TCF20: variants seen among roughly 807,000 people sequenced by gnomAD.
The protein encoded by TCF20 is SPRE-binding protein.
Under a neutral mutation model 148.6 loss-of-function variants are expected in TCF20, and 3 were observed. That is an observed-to-expected ratio of 0.02 (90% CI 0.01 to 0.05). TCF20 has a LOEUF of 0.05. TCF20 is among the 10% of genes least tolerant of loss of function. The probability of loss-of-function intolerance (pLI) is 1.00; values close to 1 mark genes in which losing one functional copy is unlikely to be tolerated. For missense variants in TCF20, 2,350 were observed against 2,429.3 expected, an observed-to-expected ratio of 0.97 and a Z score of 0.69; for synonymous variants, 1,049 against 909.5, an observed-to-expected ratio of 1.15 and a Z score of -2.76.
chr22:42,210,052 G>A lies in TCF20; in HGVS notation c.5254C>T (p.Arg1752Trp), dbSNP rs750181503. 9 of 1,613,092 alleles carry A rather than the reference G, an allele frequency of 5.6e-6. No individual in the cohort carries two copies. The highest frequency in any genetic ancestry group is 7.6e-6 in the Non-Finnish European group (9 of 1,180,016). The change falls in exon 2 of 6, where the codon CGG (arginine) becomes TGG (tryptophan). Residue 1752 changes from arginine (R) to tryptophan (W), a missense_variant. Arg to Trp is a moderately radical substitution (Grantham distance 101). Around this residue, in one of 7 missense-constraint regions of TCF20, gnomAD observed 374 missense variants for 398.3 expected, o/e 0.94. Transcript: ENST00000677622. This position sits in a 1 kb window ranked among gnomAD's most constrained non-coding sequence, Gnocchi z 4.7. ...GAGCCATTAGAAGCACTTTTGTGCC[G>A]TACCTTAACTTTGCTCTGCATTTCT... ...ATEMQSKVKV[R>W]HKSASNGSKT...
chr22:42,174,699 T>C (rs959991424), intron 3 of TCF20, among the ~76,000 whole-genome samples: 2 of 151,984 alleles, frequency 1.3e-5, no homozygotes, highest in Non-Finnish European at 2.9e-5. Context: ...GGCAACACAG[T>C]GAGACCCTGT....
intron 2 of TCF20, among the ~76,000 whole-genome samples, chr22:42,191,610 T>TTA (rs1937339357): frequency 6.6e-6 from 1 of 152,130 alleles, no homozygotes; most frequent in African/African-American, 2.4e-5. Flanking sequence ...TTATCTACAG[T>TTA]TATATATACT....
chr22:42,311,173 C>G (rs1038525750), intron 1 of TCF20, among the ~76,000 whole-genome samples: 1 of 152,240 alleles, frequency 6.6e-6, no homozygotes. Flanking sequence ...AGGACCTGCA[C>G]GCCAGCCCTC....
At chr22:42,202,459 C>T (rs1430688568) in intron 2 of TCF20, among the ~76,000 whole-genome samples, 1 of 152,182 alleles carries the variant, frequency 6.6e-6, no homozygotes, top group Non-Finnish European at 1.5e-5. Flanking sequence ...CTAGTGACCT[C>T]GCAAGGAAAC....
intron 3 of TCF20, 84 bp from the exon 4 acceptor site, chr22:42,169,980 G>C: frequency 1.4e-6 from 2 of 1,412,620 alleles, no homozygotes; most frequent in Non-Finnish European, 9.9e-7. Context: ...GACAGGGTCA[G>C]ACATAAAGGT....
At position 42,160,025 on chromosome 22, in the gene TCF20, G is replaced by T. The variant is rs1373788825; in HGVS notation, c.*1378C>A. On this transcript the variant is annotated 3_prime_UTR_variant, in exon 6 of 6. Coordinates refer to ENST00000677622, the MANE Select transcript of TCF20 (RefSeq NM_001378418.1). ...ACAGAAGAGGAAACAAGGTTAAAAT[G>T]AAGTTTATTATTTTTTTGATTTTTT... 1 of 152,570 alleles carries T rather than the reference G, an allele frequency of 6.6e-6. No individual in the cohort carries two copies. The highest frequency in any genetic ancestry group is 1.5e-5 in the Non-Finnish European group (1 of 68,022). 9.5% of individuals were successfully genotyped at this position (152,570 alleles called of 1,614,324 possible).
intron 1 of TCF20, among the ~76,000 whole-genome samples, chr22:42,322,866 C>T (rs955404982): frequency 6.6e-6 from 1 of 151,114 alleles, no homozygotes; most frequent in Admixed American, 6.6e-5. Context: ...AGATCTGGAT[C>T]ACTCACCTGG....
rs1927153613 is a variant in TCF20, at chr22:42,292,687, A to G, written c.-37+50792T>C. 6.6e-6 allele frequency among the ~76,000 whole-genome samples: 1 copy of G among 152,038 alleles called. No homozygotes were observed. ...AGGAGGCCTGTTTGAGCTGCAAAGC[A>G]GCACACACCTGGGACACAGGACCCC... On this transcript the variant is annotated intron_variant, in intron 1 of 1. Coordinates refer to the TCF20 transcript ENST00000515426. This position sits in a 1 kb window ranked among gnomAD's most constrained non-coding sequence, Gnocchi z 4.9.
At chr22:42,252,750 C>G (rs1008250946) in intron 1 of TCF20, among the ~76,000 whole-genome samples, 9 of 152,084 alleles carry the variant, frequency 5.9e-5, no homozygotes, top group African/African-American at 2.2e-4. Context: ...CGGTGCCCAG[C>G]CTTTAAAAGC....
chr22:42,219,521 T>C (rs1601612864), intron 1 of TCF20, among the ~76,000 whole-genome samples: 1 of 152,014 alleles, frequency 6.6e-6, no homozygotes, highest in Non-Finnish European at 1.5e-5. Context: ...GAAAATCTGA[T>C]ACCTCAAAGG....
At chr22:42,240,892 C>G (rs767497122) in intron 1 of TCF20, among the ~76,000 whole-genome samples, 2 of 151,720 alleles carry the variant, frequency 1.3e-5, no homozygotes, top group Non-Finnish European at 2.9e-5. Context: ...CTTGCTCTGT[C>G]CCCCCCAGGC....
intron 2 of TCF20, among the ~76,000 whole-genome samples, chr22:42,185,604 G>A (rs192107517): frequency 9.9e-5 from 15 of 152,198 alleles, no homozygotes; most frequent in African/African-American, 3.6e-4. Flanking sequence ...TGCCAACTAC[G>A]TGGCAGCTAG....
intron 2 of TCF20, among the ~76,000 whole-genome samples, chr22:42,196,132 A>C (rs1937591565): frequency 6.6e-6 from 1 of 152,236 alleles, no homozygotes. Flanking sequence ...CTGAGTCAGT[A>C]AGGTCTCAGA....
At chr22:42,320,921 A>G (rs1456486593) in intron 1 of TCF20, among the ~76,000 whole-genome samples, 1 of 152,166 alleles carries the variant, frequency 6.6e-6, no homozygotes, top group Non-Finnish European at 1.5e-5. Context: ...AGGCACACTC[A>G]CAGCTGTGTT....
intron 2 of TCF20, among the ~76,000 whole-genome samples, chr22:42,186,665 C>T (rs1022033396): frequency 2.6e-5 from 4 of 152,208 alleles, no homozygotes; most frequent in Non-Finnish European, 5.9e-5. Context: ...GTTTCATCTC[C>T]GACGGTGTGG....
intron 1 of TCF20, among the ~76,000 whole-genome samples, chr22:42,227,062 C>T (rs1157434227): frequency 6.6e-6 from 1 of 152,182 alleles, no homozygotes; most frequent in African/African-American, 2.4e-5. Flanking sequence ...GCAGGCAGAA[C>T]ACACGAGGCC....
At chr22:42,230,800 T>C (rs1048552696) in intron 1 of TCF20, among the ~76,000 whole-genome samples, 2 of 151,788 alleles carry the variant, frequency 1.3e-5, no homozygotes, top group Non-Finnish European at 2.9e-5. Flanking sequence ...TTTAGGCTAA[T>C]GCATGTGTTT....
At chr22:42,202,279 G>C (rs575149212) in intron 2 of TCF20, among the ~76,000 whole-genome samples, 1 of 152,324 alleles carries the variant, frequency 6.6e-6, no homozygotes, top group Non-Finnish European at 1.5e-5. Context: ...TCTGCAGCTT[G>C]CATTTCCTCT....
rs969211797 is a variant in TCF20, at chr22:42,279,585, C to A, written c.-37+4242G>T. ...CCGTAGAACAGGGACATTAACATCA[C>A]CCCCGAGTGAGGGCTGCAGGCACAC... is the stretch of plus-strand genomic sequence containing the variant. On this transcript the variant is annotated intron_variant, in intron 1 of 5. Coordinates refer to the TCF20 transcript ENST00000359486. The surrounding 1 kb of genome is among the most constrained non-coding windows in gnomAD (Gnocchi z 4.3). Among the ~76,000 whole-genome samples the A allele has an allele frequency of 6.6e-6, 1 of 152,212 alleles. No homozygotes were observed. Among genetic ancestry groups the A allele is most frequent in the African/African-American group, 2.4e-5 (1 of 41,450 alleles).
Sources: allele counts gnomAD v4.1 joint callset (sites outside exome capture counted in the v4.1 genomes callset), GRCh38; gene constraint gnomAD v4.1.1; regional missense constraint gnomAD v4.1.1; non-coding constraint Gnocchi (gnomAD v3.1); transcripts MANE v1.5; gene names NCBI Gene and HGNC (gene_info 2026-07-23, HGNC 2026-07-21).